BIRC6: variants seen among roughly 807,000 people sequenced by gnomAD.
BIRC6 encodes the protein dual E2 ubiquitin-conjugating enzyme/E3 ubiquitin-protein ligase BIRC6.
Under a neutral mutation model 503.3 loss-of-function variants are expected in BIRC6, and 98 were observed. The ratio of observed to expected loss-of-function variants is 0.19; its 90% CI spans 0.17 to 0.23. The LOEUF is 0.23. Among genes scored for constraint, BIRC6 ranks in the 10% least tolerant of loss-of-function variants. The probability of loss-of-function intolerance (pLI) is 1.00; values close to 1 mark genes in which losing one functional copy is unlikely to be tolerated. For synonymous variants in BIRC6, 2,240 were observed against 2,078.7 expected, an observed-to-expected ratio of 1.08 and a Z score of -2.11; for missense variants, 5,360 against 5,806.0, an observed-to-expected ratio of 0.92 and a Z score of 2.50.
intron 66 of BIRC6, among the ~76,000 whole-genome samples, chr2:32,585,753 A>G (rs1029931357): frequency 2.6e-5 from 4 of 152,118 alleles, no homozygotes; most frequent in Admixed American, 6.6e-5. Context: ...AAATAAGCCA[A>G]TCTGCCCTAA....
chr2:32,604,286 A>G (rs1396852107), intron 71 of BIRC6, among the ~76,000 whole-genome samples: 2 of 152,216 alleles, frequency 1.3e-5, no homozygotes, highest in East Asian at 3.8e-4. Context: ...ATTTTATAAT[A>G]CTGAAAATCA....
intron 38 of BIRC6, 130 bp downstream of exon 38, chr2:32,481,583 A>C (rs1320521532): frequency 1.5e-6 from 1 of 666,346 alleles, no homozygotes; most frequent in Non-Finnish European, 2.2e-6. Context: ...TGGCCAACAT[A>C]GTGAAATCCC....
At chr2:32,540,755 G>C (rs548367061) in intron 61 of BIRC6, among the ~76,000 whole-genome samples, 1 of 151,938 alleles carries the variant, frequency 6.6e-6, no homozygotes, top group Non-Finnish European at 1.5e-5. Context: ...AGCCTGTGGT[G>C]GTCTCATTTG....
At position 32,518,313 on chromosome 2, in the gene BIRC6, C is replaced by T. The variant is rs1213803620; in HGVS notation, c.11409C>T (p.Asn3803=). The part of the protein sequence containing the change: ...PQRGNLPTSG[N]ISGFIRRLFL... ...GAGGGAACCTTCCAACATCTGGGAACATTTCAGGGTTTATACGAAGATTAT... is the reference window on the plus strand; with the variant it reads ...GAGGGAACCTTCCAACATCTGGGAATATTTCAGGGTTTATACGAAGATTAT... Residue 3803 remains asparagine, a synonymous_variant, in exon 56 of 74, where the codon AAC becomes AAT. Coordinates refer to ENST00000421745, the MANE Select transcript of BIRC6 (RefSeq NM_016252.4). The T allele has an allele frequency of 6.2e-7, 1 of 1,612,622 alleles. No individual in the cohort carries two copies. Among genetic ancestry groups the T allele is most frequent in the Admixed American group, 1.7e-5 (1 of 59,738 alleles).
chr2:32,371,073 C>T (rs1484191380), intron 1 of BIRC6, among the ~76,000 whole-genome samples: 4 of 151,680 alleles, frequency 2.6e-5, no homozygotes, highest in Admixed American at 6.6e-5. Context: ...ATTAGCCGGG[C>T]GTGCTGTCAC....
chr2:32,395,202 G>A (rs1026562036), intron 5 of BIRC6, among the ~76,000 whole-genome samples: 3 of 152,056 alleles, frequency 2.0e-5, no homozygotes, highest in Non-Finnish European at 4.4e-5. Context: ...AAACCAGCCA[G>A]ACTCTTTCTC....
At chr2:32,500,609 T>C in intron 46 of BIRC6, among the ~76,000 whole-genome samples, 1 of 144,072 alleles carries the variant, frequency 6.9e-6, no homozygotes, top group East Asian at 2.0e-4. Flanking sequence ...TGTTTTTGTT[T>C]TTTTTTTTTT....
At chr2:32,588,957 G>GAAATTAAATATATATTT (rs1213167633) in intron 66 of BIRC6, among the ~76,000 whole-genome samples, 1 of 152,130 alleles carries the variant, frequency 6.6e-6, no homozygotes, top group African/African-American at 2.4e-5. Context: ...ATCTTAAGAT[G>GAAATTAAATATATATTT]AAATTAAAAT....
At chr2:32,496,039 C>T in intron 45 of BIRC6, among the ~76,000 whole-genome samples, 1 of 151,880 alleles carries the variant, frequency 6.6e-6, no homozygotes, top group East Asian at 1.9e-4. Context: ...GACGGGGTTT[C>T]ACCGTGTTAG....
chr2:32,573,551 A>G (rs1009862097), intron 65 of BIRC6, among the ~76,000 whole-genome samples: 1 of 152,176 alleles, frequency 6.6e-6, no homozygotes, highest in Non-Finnish European at 1.5e-5. Flanking sequence ...GAGATGTTAG[A>G]TCCTTATCTC....
intron 70 of BIRC6, 101 bp downstream of exon 70, chr2:32,600,001 C>A: frequency 2.7e-6 from 3 of 1,126,308 alleles, no homozygotes; most frequent in Non-Finnish European, 3.8e-6. Context: ...GCTAAGAGGG[C>A]ATGGGTTTCT....
At chr2:32,482,287 A>G in intron 38 of BIRC6, 142 bp from the exon 39 acceptor site, 1 of 831,572 alleles carries the variant, frequency 1.2e-6, no homozygotes, top group South Asian at 2.1e-5. Context: ...ATAAATCATT[A>G]AAATTATAAG....
chr2:32,379,263 G>GA (rs1023432856), intron 2 of BIRC6: 8 of 152,182 alleles, frequency 5.3e-5, no homozygotes, highest in African/African-American at 1.9e-4. Context: ...TAGAAACTTT[G>GA]AAAAACCATT....
intron 65 of BIRC6, among the ~76,000 whole-genome samples, chr2:32,569,943 A>G (rs1006785502): frequency 6.6e-6 from 1 of 151,892 alleles, no homozygotes; most frequent in African/African-American, 2.4e-5. Flanking sequence ...TTACTCTGGC[A>G]AGATGTCCAG....
chr2:32,463,690 A>C (rs1408199423), intron 24 of BIRC6, among the ~76,000 whole-genome samples: 1 of 152,234 alleles, frequency 6.6e-6, no homozygotes, highest in Non-Finnish European at 1.5e-5. Flanking sequence ...TATGGAGTAT[A>C]GTTCCTAAAA....
intron 46 of BIRC6, 33 bp downstream of exon 46, chr2:32,500,142 C>A: frequency 6.6e-7 from 1 of 1,517,788 alleles, no homozygotes; most frequent in Non-Finnish European, 8.9e-7. Flanking sequence ...TTACCATTGT[C>A]TCTGATACTA....
At chr2:32,422,898 G>A (rs1011561790) in intron 10 of BIRC6, among the ~76,000 whole-genome samples, 6 of 152,012 alleles carry the variant, frequency 3.9e-5, no homozygotes, top group South Asian at 2.1e-4. Context: ...TGCTATAAAC[G>A]TCTTGTGTAA....
chr2:32,410,574 C>A (rs777255311), intron 9 of BIRC6, among the ~76,000 whole-genome samples: 2 of 152,106 alleles, frequency 1.3e-5, no homozygotes, highest in Non-Finnish European at 2.9e-5. Context: ...ATGGGAAATT[C>A]TAGATATGCC....
intron 1 of BIRC6, among the ~76,000 whole-genome samples, chr2:32,367,125 G>T (rs1280636669): frequency 6.6e-6 from 1 of 152,006 alleles, no homozygotes. Context: ...ACAGACAGGA[G>T]ATAATAGAGA....
Sources: allele counts gnomAD v4.1 joint callset (sites outside exome capture counted in the v4.1 genomes callset), GRCh38; gene constraint gnomAD v4.1.1; transcripts MANE v1.5; gene names NCBI Gene and HGNC (gene_info 2026-07-23, HGNC 2026-07-21).